Variants in UFD1 observed in about 807,000 individuals in gnomAD.
UFD1 encodes the protein ubiquitin recognition factor in ER-associated degradation protein 1.
UFD1 carries 13 observed loss-of-function variants against 45.9 expected under a neutral mutation model. The observed-to-expected ratio is 0.28, with a 90% confidence interval of 0.18 to 0.45. The LOEUF (loss-of-function observed/expected upper bound fraction) is 0.45, where lower values mean the gene tolerates loss of function less well. Ranked by LOEUF, UFD1 falls within the 20% of genes least tolerant of loss-of-function variation. The probability of loss-of-function intolerance (pLI) is 1.00; values close to 1 mark genes in which losing one functional copy is unlikely to be tolerated. For synonymous variants in UFD1, 128 were observed against 139.2 expected (o/e 0.92, Z 0.56); for missense variants, 218 against 389.2 (o/e 0.56, Z 3.70).
chr22:19,456,724 A>G, intron 8 of UFD1, 90 bp from the exon 9 acceptor site: 2 of 1,613,356 alleles, frequency 1.2e-6, no homozygotes, highest in Non-Finnish European at 1.7e-6. Flanking sequence ...TGTCCCCCGG[A>G]AGCATGGCTG....
At chr22:19,453,470 T>C (rs2089698640) in intron 11 of UFD1, 1 of 985,354 alleles carries the variant, frequency 1.0e-6, no homozygotes, top group Admixed American at 6.1e-5. Flanking sequence ...TCCCCTGCCT[T>C]CTGTAAATTT....
Position 19,479,020 on chromosome 22 carries a change from C to T in UFD1, c.3+63G>A, listed in dbSNP as rs574561889. On this transcript the variant is annotated intron_variant, in intron 1 of 11. Transcript: ENST00000263202. ...CGCCGTCCCGCCCCGCCCTGCCCCGCCGGGCCCTACCTCAGGCCCCGGGCC... is the reference window on the plus strand; with the variant it reads ...CGCCGTCCCGCCCCGCCCTGCCCCGTCGGGCCCTACCTCAGGCCCCGGGCC... 29 of 1,545,474 alleles carry T rather than the reference C, an allele frequency of 1.9e-5. No homozygotes were observed. In the African/African-American group the frequency reaches 2.5e-4, roughly 13 times the overall value.
At chr22:19,459,586 G>C (rs905756684) in intron 6 of UFD1, among the ~76,000 whole-genome samples, 1 of 152,126 alleles carries the variant, frequency 6.6e-6, no homozygotes, top group Non-Finnish European at 1.5e-5. Context: ...CTGCACTCCA[G>C]CCTGGGCAAC....
chr22:19,477,391 T>C (rs1292487367), intron 1 of UFD1, among the ~76,000 whole-genome samples: 2 of 152,236 alleles, frequency 1.3e-5, no homozygotes, highest in East Asian at 3.8e-4. Flanking sequence ...TCCTGTCACA[T>C]GGATGAACCT....
intron 3 of UFD1, among the ~76,000 whole-genome samples, chr22:19,472,397 G>A (rs2089853150): frequency 6.6e-6 from 1 of 152,212 alleles, no homozygotes; most frequent in Non-Finnish European, 1.5e-5. Flanking sequence ...TTGGGAAGGG[G>A]AGGGGCACCA....
chr22:19,453,117 A>T, intron 11 of UFD1: 2 of 985,410 alleles, frequency 2.0e-6, no homozygotes, highest in Non-Finnish European at 2.4e-6. Context: ...ACTGGAGTCG[A>T]GCCTCCAGCC....
At chr22:19,451,054 A>T in intron 11 of UFD1, 1 of 1,059,922 alleles carries the variant, frequency 9.4e-7, no homozygotes, top group Non-Finnish European at 1.1e-6. Context: ...AGCCAGGGCC[A>T]TAGTGAGCTA....
intron 11 of UFD1, chr22:19,454,324 A>C: frequency 5.0e-6 from 5 of 1,009,860 alleles, no homozygotes; most frequent in Non-Finnish European, 4.7e-6. Flanking sequence ...TCCCCACCCA[A>C]ATCTCATCTT....
chr22:19,467,609 G>A (rs2089812527), intron 5 of UFD1: 1 of 409,644 alleles, frequency 2.4e-6, no homozygotes, highest in Non-Finnish European at 4.4e-6. Flanking sequence ...TGTGCCAGGT[G>A]ACACAGACCA....
Position 19,457,068 on chromosome 22 carries a change from G to A in UFD1, c.565-150C>T, listed in dbSNP as rs1273420926. ...TGTACACTTGCCCAGTTTTCCCAAC[G>A]GTAGCATCTTACAAAATTACAGTAA... On this transcript the variant is annotated intron_variant, in intron 7 of 11. Coordinates refer to ENST00000263202, the MANE Select transcript of UFD1 (RefSeq NM_005659.7). 46 of 643,550 alleles carry A rather than the reference G, an allele frequency of 7.1e-5. 1 individual carries two copies. The South Asian group carries it at 7.8e-4, about 11-fold the overall frequency. The allele number at this position is 643,550 out of a possible 1,614,324, so 39.9% of individuals were successfully genotyped here.
chr22:19,469,920 A>G (rs745498740), intron 4 of UFD1: 1 of 518,248 alleles, frequency 1.9e-6, no homozygotes. Context: ...GAGGCCACCC[A>G]AACTTCAAGT....
At chr22:19,477,949 A>C (rs1451061675) in intron 1 of UFD1, among the ~76,000 whole-genome samples, 2 of 152,210 alleles carry the variant, frequency 1.3e-5, no homozygotes, top group Non-Finnish European at 2.9e-5. Flanking sequence ...GTTCAGCTAA[A>C]TCTTGGCCAG....
intron 6 of UFD1, among the ~76,000 whole-genome samples, chr22:19,464,395 G>A (rs191450478): frequency 3.3e-5 from 5 of 152,380 alleles, no homozygotes; most frequent in Admixed American, 3.3e-4. Context: ...ACAGTGAACA[G>A]GGGCACCCAT....
At chr22:19,463,795 A>G (rs2089783577) in intron 6 of UFD1, among the ~76,000 whole-genome samples, 1 of 150,800 alleles carries the variant, frequency 6.6e-6, no homozygotes, top group Non-Finnish European at 1.5e-5. Flanking sequence ...AGGGCCCATT[A>G]GAGGATCTAG....
At chr22:19,451,119 TCA>T (rs2089678654) in intron 11 of UFD1, 1 of 295,118 alleles carries the variant, frequency 3.4e-6, no homozygotes, top group Non-Finnish European at 4.1e-6. Context: ...AGACCCTGCC[TCA>T]AAAAAAAAAA....
rs530113925 is a variant in UFD1, at chr22:19,454,271, G to A, written c.849+478C>T. ...ACACCAGGGAGCAGAGGGACCCTAG[G>A]AAAGGGAAAACATGACAGACACCCT... On this transcript the variant is annotated intron_variant, in intron 11 of 11. Transcript: ENST00000263202. 4.0e-6 allele frequency: 4 copies of A among 998,246 alleles called. No individual in the cohort carries two copies. The African/African-American group carries it at 7.0e-5, about 17-fold the overall frequency. 61.8% of individuals were successfully genotyped at this position (998,246 alleles called of 1,614,324 possible).
chr22:19,463,059 GTATTTTC>G (rs2089778436), intron 6 of UFD1, among the ~76,000 whole-genome samples: 1 of 152,092 alleles, frequency 6.6e-6, no homozygotes, highest in East Asian at 1.9e-4. Flanking sequence ...TCTGTATTTG[GTATTTTC>G]TACCTGTAGC....
At chr22:19,453,598 C>T (rs1413660434) in intron 11 of UFD1, 11 of 985,428 alleles carry the variant, frequency 1.1e-5, no homozygotes, top group Non-Finnish European at 1.3e-5. Flanking sequence ...TGGATGGTGC[C>T]TGAAGGAGGA....
chr22:19,459,698 A>G (rs2089750810), intron 6 of UFD1, among the ~76,000 whole-genome samples: 1 of 146,068 alleles, frequency 6.8e-6, no homozygotes, highest in Non-Finnish European at 1.5e-5. Flanking sequence ...TTCCTGCATC[A>G]TTTCAGGTTC....
Sources: gnomAD v4.1 joint callset for allele counts (sites outside exome capture counted in the v4.1 genomes callset) on GRCh38, gnomAD v4.1.1 for gene constraint, MANE v1.5 for transcripts, NCBI Gene and HGNC (gene_info 2026-07-23, HGNC 2026-07-21) for gene names.